The following ZMYM2 variants were observed in gnomAD, a reference collection of about 807,000 sequenced individuals.
ZMYM2 encodes zinc finger MYM-type containing 2.
In ZMYM2, 56 loss-of-function variants were observed where a neutral mutation model predicts 162.8. The observed-to-expected ratio is 0.34, with a 90% confidence interval of 0.28 to 0.43. ZMYM2 has a LOEUF of 0.43. Among genes scored for constraint, ZMYM2 ranks in the 20% least tolerant of loss-of-function variants. ZMYM2 has a pLI of 1.00. For synonymous variants in ZMYM2, 510 were observed against 541.6 expected (o/e 0.94, Z 0.81); for missense variants, 1,275 against 1,621.8 (o/e 0.79, Z 3.67).
chr13:19,920,361 C>T, the ZMYM2 span, among the ~76,000 whole-genome samples: 4 of 152,074 alleles, frequency 2.6e-5, no homozygotes, highest in African/African-American at 4.8e-5. Context: ...GTCTCAGACC[C>T]GATTTGGCTT....
At chr13:20,030,650 G>T (rs1356328526) in intron 9 of ZMYM2, among the ~76,000 whole-genome samples, 1 of 151,988 alleles carries the variant, frequency 6.6e-6, no homozygotes, top group Non-Finnish European at 1.5e-5. Context: ...CGCCCGCCTT[G>T]GCCTCCCAAA....
At chr13:19,926,358 TTA>T in the ZMYM2 span, among the ~76,000 whole-genome samples, 3 of 143,242 alleles carry the variant, frequency 2.1e-5, no homozygotes, top group African/African-American at 8.2e-5. Context: ...TTAGGACTAC[TTA>T]TTTTTTTTTT....
intron 6 of ZMYM2, among the ~76,000 whole-genome samples, chr13:20,007,465 A>G (rs1487416144): frequency 6.6e-6 from 1 of 151,548 alleles, no homozygotes; most frequent in East Asian, 1.9e-4. Context: ...GGACTTTTTG[A>G]TTTCTAGTTT....
At chr13:20,059,004 A>G in intron 15 of ZMYM2, 1 of 457,210 alleles carries the variant, frequency 2.2e-6, no homozygotes, top group Admixed American at 3.2e-5. Context: ...CTCTGAGAAA[A>G]TCATCTCTTT....
intron 12 of ZMYM2, among the ~76,000 whole-genome samples, chr13:20,042,750 G>T (rs1235924733): frequency 6.6e-6 from 1 of 151,700 alleles, no homozygotes; most frequent in African/African-American, 2.4e-5. Context: ...TTGAGATAGG[G>T]TCTTGCTATG....
the ZMYM2 span, among the ~76,000 whole-genome samples, chr13:19,874,869 T>G: frequency 6.6e-6 from 1 of 152,098 alleles, no homozygotes; most frequent in African/African-American, 2.4e-5. Flanking sequence ...ATTAACATCA[T>G]GATGAGATAC....
chr13:20,086,974 C>G lies in ZMYM2; in HGVS notation c.*960C>G, dbSNP rs1255949119. The G allele has an allele frequency of 5.5e-6, 1 of 181,886 alleles. No individual in the cohort carries two copies. Among genetic ancestry groups the G allele is most frequent in the Admixed American group, 6.3e-5 (1 of 15,878 alleles). The allele number at this position is 181,886 out of a possible 1,614,324, so 11.3% of individuals were successfully genotyped here. A position where few individuals can be genotyped will look rare whatever the true frequency, so the allele number is the denominator to read the frequency against. The stretch of plus-strand genomic sequence containing the variant: ...CCTCTTAAGGATACAGATCATGCTG[C>G]AATGTTAGCTGTGTAGTACTCTAAA... On this transcript the variant is annotated 3_prime_UTR_variant, in exon 25 of 25. Transcript: ENST00000610343.
At position 20,087,876 on chromosome 13, in the gene ZMYM2, A is replaced by G. The variant is rs1958361612; in HGVS notation, c.*1862A>G. The G allele has an allele frequency of 1.1e-5, 2 of 188,482 alleles. No individual in the cohort carries two copies. The highest frequency in any genetic ancestry group is 1.2e-4 in the Admixed American group (2 of 16,194). The allele number at this position is 188,482 out of a possible 1,614,324, so 11.7% of individuals were successfully genotyped here. Reference sequence around the variant, plus strand: ...TTTCTCTAACTTACCTTTTTCCAGAACTACTTCTTTAAGCACTTTTCCTAT... The same window carrying G: ...TTTCTCTAACTTACCTTTTTCCAGAGCTACTTCTTTAAGCACTTTTCCTAT... On this transcript the variant is annotated 3_prime_UTR_variant, in exon 25 of 25. Coordinates refer to ENST00000610343, the MANE Select transcript of ZMYM2 (RefSeq NM_197968.4).
chr13:20,081,665 A>G (rs563356037), intron 21 of ZMYM2, among the ~76,000 whole-genome samples: 7 of 152,184 alleles, frequency 4.6e-5, no homozygotes, highest in Non-Finnish European at 1.0e-4. Context: ...AAAAAGAAAA[A>G]AACACTTTTA....
At chr13:19,918,745 C>T in the ZMYM2 span, among the ~76,000 whole-genome samples, 1 of 151,916 alleles carries the variant, frequency 6.6e-6, no homozygotes, top group African/African-American at 2.4e-5. Context: ...GTGATACACC[C>T]ACCTCGGCCT....
At chr13:19,898,913 A>ACAGAG in the ZMYM2 span, among the ~76,000 whole-genome samples, 1 of 151,500 alleles carries the variant, frequency 6.6e-6, no homozygotes, top group African/African-American at 2.4e-5. Context: ...AGACTAGGTG[A>ACAGAG]CAGAGCAAGA....
At position 19,998,083 on chromosome 13, in the gene ZMYM2, A is replaced by G. The variant is rs575012583; in HGVS notation, c.847+4164A>G. On this transcript the variant is annotated intron_variant, in intron 3 of 24. Transcript: ENST00000610343. ...AGAAAAACTGTACACAAAGAGACATATGAATTGGGTCTTGCATTTATATGC... is the reference window on the plus strand; with the variant it reads ...AGAAAAACTGTACACAAAGAGACATGTGAATTGGGTCTTGCATTTATATGC... 2.2e-4 allele frequency among the ~76,000 whole-genome samples: 34 copies of G among 152,318 alleles called. No individual in the cohort carries two copies. In the South Asian group the frequency reaches 3.7e-3, roughly 17 times the overall value.
At chr13:19,936,678 C>T in the ZMYM2 span, among the ~76,000 whole-genome samples, 1 of 152,220 alleles carries the variant, frequency 6.6e-6, no homozygotes, top group East Asian at 1.9e-4. Context: ...GCTGAGATCA[C>T]ACCACTGCAC....
intron 7 of ZMYM2, among the ~76,000 whole-genome samples, chr13:20,021,969 A>G (rs1233941146): frequency 6.6e-6 from 1 of 152,162 alleles, no homozygotes; most frequent in African/African-American, 2.4e-5. Context: ...TCCTCAACTC[A>G]GTGAAACTAG....
the ZMYM2 span, among the ~76,000 whole-genome samples, chr13:19,937,510 C>T: frequency 2.1e-5 from 3 of 145,700 alleles, no homozygotes; most frequent in Non-Finnish European, 4.5e-5. Flanking sequence ...GTCGCTCAAG[C>T]TTGAGTGCAG....
At position 20,003,097 on chromosome 13, in the gene ZMYM2, C is replaced by T. The variant is rs765326720; in HGVS notation, c.1095C>T (p.His365=). Residue 365 remains histidine (H), a synonymous_variant, in exon 4 of 25, where the codon CAC becomes CAT. Coordinates refer to ENST00000610343, the MANE Select transcript of ZMYM2 (RefSeq NM_197968.4). ...CCACCTGCCTTTCTTCCTTCTCCCA[C>T]AAGCCTGCTCCAAAGAAACTCTGTG... ...CSTTCLSSFS[H]KPAPKKLCVM... 1 of 1,614,206 alleles carries T rather than the reference C, an allele frequency of 6.2e-7. No homozygotes were observed. The highest frequency in any genetic ancestry group is 1.7e-5 in the Admixed American group (1 of 60,024).
chr13:19,952,343 T>TA, the ZMYM2 span, among the ~76,000 whole-genome samples: 3 of 152,108 alleles, frequency 2.0e-5, no homozygotes, highest in Non-Finnish European at 1.5e-5. Flanking sequence ...ACATGGTGTT[T>TA]AAAATCAATA....
the ZMYM2 span, among the ~76,000 whole-genome samples, chr13:19,892,009 A>G: frequency 2.4e-3 from 356 of 149,580 alleles, 8 homozygotes; most frequent in African/African-American, 8.4e-3. Flanking sequence ...TGGCATGATC[A>G]TGGCTCACTG....
At chr13:20,081,574 A>G (rs572448769) in intron 21 of ZMYM2, among the ~76,000 whole-genome samples, 29 of 152,282 alleles carry the variant, frequency 1.9e-4, no homozygotes, top group African/African-American at 7.0e-4. Flanking sequence ...TACAGATAAC[A>G]TTTCCTCTCA....
Sources: gnomAD v4.1 joint callset for allele counts (sites outside exome capture counted in the v4.1 genomes callset) on GRCh38, gnomAD v4.1.1 for gene constraint, MANE v1.5 for transcripts, NCBI Gene and HGNC (gene_info 2026-07-23, HGNC 2026-07-21) for gene names.